The following SLC6A2 variants were observed in gnomAD, a reference collection of about 807,000 sequenced individuals.
The protein encoded by SLC6A2 is solute carrier family 6 member 2, also known as sodium-dependent noradrenaline transporter.
A neutral mutation model predicts 71.7 loss-of-function variants in SLC6A2; 26 were observed. The ratio of observed to expected loss-of-function variants is 0.36; its 90% confidence interval spans 0.27 to 0.50. SLC6A2 has a LOEUF of 0.50. Ranked by LOEUF, SLC6A2 falls within the 20% of genes least tolerant of loss-of-function variation. The pLI is 0.96. For synonymous variants in SLC6A2, 363 were observed against 337.9 expected (o/e 1.07, Z -0.82); for missense variants, 581 against 803.9 (o/e 0.72, Z 3.35).
rs150602333 is a variant in SLC6A2, at chr16:55,673,853, C to G, written c.644+1678C>G. 2.8e-3 allele frequency among the ~76,000 whole-genome samples: 423 copies of G among 152,288 alleles called. 2 individuals are homozygous for G. The highest frequency in any genetic ancestry group is 9.5e-3 in the African/African-American group (396 of 41,556). On this transcript the variant is annotated intron_variant, in intron 4 of 14. Coordinates refer to ENST00000568943, the MANE Select transcript of SLC6A2 (RefSeq NM_001172501.3). Reference sequence around the variant, plus strand: ...CTGGGATTACAGGCGTGAGCCACCACCCCAGCTTATCATTCCTTCTAGATT... The same window carrying G: ...CTGGGATTACAGGCGTGAGCCACCAGCCCAGCTTATCATTCCTTCTAGATT...
intron 3 of SLC6A2, among the ~76,000 whole-genome samples, chr16:55,670,033 C>T (rs916297731): frequency 4.6e-5 from 7 of 152,186 alleles, no homozygotes; most frequent in African/African-American, 1.4e-4. Flanking sequence ...CCATGGCAGG[C>T]GTTAGAAGTT....
chr16:55,690,614 T>C (rs529377900), intron 5 of SLC6A2, among the ~76,000 whole-genome samples: 87 of 152,322 alleles, frequency 5.7e-4, no homozygotes, highest in African/African-American at 2.0e-3. Flanking sequence ...GATTTTTCAC[T>C]TGGGACACAG....
chr16:55,671,696 T>C, intron 3 of SLC6A2: 7 of 729,034 alleles, frequency 9.6e-6, no homozygotes, highest in Non-Finnish European at 1.5e-5. Context: ...TATGAGAATC[T>C]AACTAACGCC....
intron 4 of SLC6A2, among the ~76,000 whole-genome samples, chr16:55,674,157 T>TA (rs1399415782): frequency 3.3e-5 from 5 of 152,184 alleles, no homozygotes; most frequent in African/African-American, 9.6e-5. Context: ...ACCCAATAGG[T>TA]ACTTTTTCGA....
intron 2 of SLC6A2, among the ~76,000 whole-genome samples, chr16:55,663,663 GTCTA>G (rs1486888982): frequency 6.6e-6 from 1 of 152,104 alleles, no homozygotes; most frequent in Non-Finnish European, 1.5e-5. Context: ...CTATCCATCT[GTCTA>G]TCTATTGTTC....
chr16:55,667,245 T>G (rs1451715847), intron 2 of SLC6A2, among the ~76,000 whole-genome samples: 2 of 152,178 alleles, frequency 1.3e-5, no homozygotes, highest in Non-Finnish European at 2.9e-5. Flanking sequence ...GCCCTGGCTC[T>G]AGATCCTCAA....
In SLC6A2 at chr16:55,672,417, G is replaced by A. The variant is rs564461469; in HGVS notation, c.644+242G>A. On this transcript the variant is annotated intron_variant, in intron 4 of 14. Transcript: ENST00000568943. Reference sequence around the variant, plus strand: ...GGGCAAGATAATACACAAATAAACAGGTAAGGGAGTGAGAATGTTTTAGAG... The same window carrying A: ...GGGCAAGATAATACACAAATAAACAAGTAAGGGAGTGAGAATGTTTTAGAG... 5.3e-5 allele frequency among the ~76,000 whole-genome samples: 8 copies of A among 152,306 alleles called. No homozygotes were observed. In the South Asian group the frequency reaches 6.2e-4, roughly 12 times the overall value.
Position 55,694,951 on chromosome 16 carries a change from G to T in SLC6A2, c.1023-327G>T, listed in dbSNP as rs923214370. On this transcript the variant is annotated intron_variant, in intron 7 of 14. Coordinates refer to ENST00000568943, the MANE Select transcript of SLC6A2 (RefSeq NM_001172501.3). ...GGAAGATAAATATATAAGGAAGGCT[G>T]GGTCTTCTTAGCAAAGCTCTTGAAT... Among the ~76,000 whole-genome samples the T allele has an allele frequency of 2.0e-5, 3 of 152,176 alleles. No individual in the cohort carries two copies. In the East Asian group the frequency reaches 5.8e-4, roughly 29 times the overall value.
Position 55,705,205 on chromosome 16 carries a change from T to A in SLC6A2, c.*2859T>A. ...AGTTATTTAGCACCCACCTTTTAGC[T>A]TTCATTCTAGATGAAAACGAGACAA... On this transcript the variant is annotated 3_prime_UTR_variant, in exon 15 of 15. Transcript: ENST00000568943. The A allele has an allele frequency of 6.5e-7, 1 of 1,534,306 alleles. No homozygotes were observed. The highest frequency in any genetic ancestry group is 8.7e-7 in the Non-Finnish European group (1 of 1,144,942).
At chr16:55,683,157 C>T (rs1221379970) in intron 4 of SLC6A2, among the ~76,000 whole-genome samples, 1 of 152,180 alleles carries the variant, frequency 6.6e-6, no homozygotes, top group Non-Finnish European at 1.5e-5. Flanking sequence ...TTTCAGCAGT[C>T]AGTCTTATTT....
rs576887632 is a variant in SLC6A2 at position 55,677,728 on chromosome 16, C to T, written c.644+5553C>T. 5.3e-5 allele frequency among the ~76,000 whole-genome samples: 8 copies of T among 152,246 alleles called. No homozygotes were observed. The East Asian group carries it at 9.7e-4, about 18-fold the overall frequency. On this transcript the variant is annotated intron_variant, in intron 4 of 14. Coordinates refer to ENST00000568943, the MANE Select transcript of SLC6A2 (RefSeq NM_001172501.3). ...GCTCTGTCACCCAGTGGCACAGTCT[C>T]GGCTCAATGCAGCCTTGACCTCCCA...
chr16:55,662,323 G>A (rs1458735276), intron 2 of SLC6A2, among the ~76,000 whole-genome samples: 1 of 152,190 alleles, frequency 6.6e-6, no homozygotes, highest in Non-Finnish European at 1.5e-5. Flanking sequence ...CATCCTTCAT[G>A]TGAGTCACTG....
chr16:55,682,009 C>T (rs1819865), intron 4 of SLC6A2, among the ~76,000 whole-genome samples: 1,939 of 152,294 alleles, frequency 0.013, 51 homozygotes, highest in African/African-American at 0.043. Context: ...CAGGTTCAAG[C>T]AATTCTCATG....
Position 55,672,021 on chromosome 16 carries a change from T to C in SLC6A2, c.490T>C (p.Phe164Leu). 1 of 1,614,160 alleles carries C rather than the reference T, an allele frequency of 6.2e-7. No individual in the cohort carries two copies. The highest frequency in any genetic ancestry group is 8.5e-7 in the Non-Finnish European group (1 of 1,180,030). ...VIIAWSLYYL[F>L]SSFTLNLPWT... ...CATCGCCTGGTCACTCTACTACCTCTTCTCCTCCTTCACCCTCAACCTGCC... is the reference window on the plus strand; with the variant it reads ...CATCGCCTGGTCACTCTACTACCTCCTCTCCTCCTTCACCCTCAACCTGCC... Residue 164 changes from phenylalanine (F) to leucine (L), a missense_variant, in exon 4 of 15, where the codon TTC becomes CTC. Phe to Leu is a conservative substitution (Grantham distance 22). This residue lies in a region of SLC6A2 where 81 missense variants were observed against 152.4 expected (regional missense o/e 0.53). Transcript: ENST00000568943.
chr16:55,694,237 A>G, intron 7 of SLC6A2, 124 bp downstream of exon 7: 6 of 750,710 alleles, frequency 8.0e-6, no homozygotes, highest in Admixed American at 1.9e-5. Context: ...CTTCTTGTGA[A>G]CCATCCTGGG....
At position 55,704,236 on chromosome 16, in the gene SLC6A2, T is replaced by G. The variant is rs1341284367; in HGVS notation, c.*1890T>G. 1 of 152,238 alleles carries G rather than the reference T, an allele frequency of 6.6e-6. No individual in the cohort carries two copies. The highest frequency in any genetic ancestry group is 1.5e-5 in the Non-Finnish European group (1 of 68,034). 9.4% of individuals were successfully genotyped at this position (152,238 alleles called of 1,614,324 possible). ...TGCACATTACCTGCCATCTGCCCAG[T>G]GAGGACTGCAGGGCTATAGCTTCTA... On this transcript the variant is annotated 3_prime_UTR_variant, in exon 15 of 15. Transcript: ENST00000568943.
chr16:55,664,357 AT>A (rs1203740473), intron 2 of SLC6A2, among the ~76,000 whole-genome samples: 1 of 152,154 alleles, frequency 6.6e-6, no homozygotes, highest in Non-Finnish European at 1.5e-5. Flanking sequence ...TTTGTCCTGC[AT>A]TTGCTCATGG....
At chr16:55,675,069 C>T (rs1184583860) in intron 4 of SLC6A2, among the ~76,000 whole-genome samples, 2 of 152,012 alleles carry the variant, frequency 1.3e-5, no homozygotes, top group African/African-American at 2.4e-5. Context: ...AGCTTATAAC[C>T]ATCATTATTT....
chr16:55,694,521 A>T (rs1965734503), intron 7 of SLC6A2, among the ~76,000 whole-genome samples: 1 of 152,158 alleles, frequency 6.6e-6, no homozygotes, highest in Non-Finnish European at 1.5e-5. Flanking sequence ...GAAGACCATG[A>T]TCTAGCTCAG....
Sources: gnomAD v4.1 joint callset for allele counts (sites outside exome capture counted in the v4.1 genomes callset) on GRCh38, gnomAD v4.1.1 for gene constraint, gnomAD v4.1.1 regional missense constraint, MANE v1.5 for transcripts, NCBI Gene and HGNC (gene_info 2026-07-23, HGNC 2026-07-21) for gene names.